The following SESTD1 variants were observed in gnomAD, a reference collection of about 807,000 sequenced individuals.
The protein encoded by SESTD1 is SEC14 domain and spectrin repeat-containing protein 1.
In SESTD1, 43 loss-of-function variants were observed where a neutral mutation model predicts 101.7. That is an observed-to-expected ratio of 0.42 (90% CI 0.33 to 0.55). The LOEUF (loss-of-function observed/expected upper bound fraction) is 0.55, where lower values mean the gene tolerates loss of function less well. Among genes scored for constraint, SESTD1 ranks in the 20% least tolerant of loss-of-function variants. The pLI is 0.07. For synonymous variants in SESTD1, 283 were observed against 286.8 expected (o/e 0.99, Z 0.13); for missense variants, 647 against 815.1 (o/e 0.79, Z 2.51).
chr2:179,117,045 G>T (rs1416457758), intron 14 of SESTD1, among the ~76,000 whole-genome samples: 1 of 152,106 alleles, frequency 6.6e-6, no homozygotes, highest in African/African-American at 2.4e-5. Flanking sequence ...CATAATAAAA[G>T]ATCATGTATT....
chr2:179,237,697 A>C (rs2047089567), intron 1 of SESTD1, among the ~76,000 whole-genome samples: 1 of 152,206 alleles, frequency 6.6e-6, no homozygotes, highest in African/African-American at 2.4e-5. Flanking sequence ...CCAAACTTGT[A>C]ATATGACACA....
At chr2:179,220,178 CT>C (rs1289133554) in intron 1 of SESTD1, among the ~76,000 whole-genome samples, 2 of 152,168 alleles carry the variant, frequency 1.3e-5, no homozygotes, top group African/African-American at 4.8e-5. Context: ...GCCACTACCC[CT>C]AGACCATCCT....
intron 1 of SESTD1, among the ~76,000 whole-genome samples, chr2:179,232,438 G>A (rs1277392211): frequency 6.6e-6 from 1 of 151,662 alleles, no homozygotes; most frequent in Non-Finnish European, 1.5e-5. Context: ...TCAAAATCCT[G>A]GAATTTTTTT....
chr2:179,132,349 G>A lies in SESTD1; in HGVS notation c.927C>T (p.Ser309=). 2 of 1,564,212 alleles carry A rather than the reference G, an allele frequency of 1.3e-6. No homozygotes were observed. Among genetic ancestry groups the A allele is most frequent in the Non-Finnish European group, 1.7e-6 (2 of 1,165,068 alleles). The change falls in exon 10 of 18, where the codon TCC becomes TCT. Residue 309 remains serine (S), a synonymous_variant. Coordinates refer to ENST00000428443, the MANE Select transcript of SESTD1 (RefSeq NM_178123.5). ...QWGIGDSIRA[S]QALQQKHEEI... ...CTTCGTGTTTCTGCTGTAGGGCCTG[G>A]GAGGCCCTAATGGAGTCTCCAATGC...
chr2:179,110,081 G>A (rs917367316), intron 17 of SESTD1, 53 bp from the exon 18 acceptor site: 11 of 1,578,706 alleles, frequency 7.0e-6, no homozygotes, highest in Non-Finnish European at 8.6e-6. Context: ...TCTATTAACT[G>A]CAGTGAATAC....
At chr2:179,196,854 G>A (rs1463208902) in intron 1 of SESTD1, among the ~76,000 whole-genome samples, 1 of 152,130 alleles carries the variant, frequency 6.6e-6, no homozygotes, top group Non-Finnish European at 1.5e-5. Context: ...CACAAAGATG[G>A]GGAAAAAACA....
intron 1 of SESTD1, among the ~76,000 whole-genome samples, chr2:179,230,222 C>T (rs757868601): frequency 1.4e-5 from 2 of 147,402 alleles, no homozygotes; most frequent in Non-Finnish European, 3.0e-5. Flanking sequence ...CAACCTCCAC[C>T]TCCTGGGCTC....
intron 1 of SESTD1, among the ~76,000 whole-genome samples, chr2:179,229,644 ATG>A (rs752544847): frequency 6.6e-6 from 1 of 151,596 alleles, no homozygotes; most frequent in Non-Finnish European, 1.5e-5. Flanking sequence ...AAAGAAAATA[ATG>A]TGTGTTTTTG....
At chr2:179,249,109 A>AG (rs1170002478) in intron 1 of SESTD1, among the ~76,000 whole-genome samples, 1 of 151,154 alleles carries the variant, frequency 6.6e-6, no homozygotes, top group Non-Finnish European at 1.5e-5. Flanking sequence ...AAAAAAAAAA[A>AG]AAAAGCATGG....
At position 179,150,603 on chromosome 2, in the gene SESTD1, C is replaced by T. The variant is rs1490210612; in HGVS notation, c.483+675G>A. ...TTGGAAGGCCGAGGCAGGTGGATCA[C>T]GAGGTCAAGAGTTTGAGATCAGCCT... On this transcript the variant is annotated intron_variant, in intron 6 of 17. Coordinates refer to ENST00000428443, the MANE Select transcript of SESTD1 (RefSeq NM_178123.5). 3.3e-5 allele frequency among the ~76,000 whole-genome samples: 5 copies of T among 151,828 alleles called. No homozygotes were observed. The East Asian group carries it at 5.8e-4, about 18-fold the overall frequency.
At chr2:179,135,800 A>G (rs921031279) in intron 9 of SESTD1, among the ~76,000 whole-genome samples, 1 of 152,156 alleles carries the variant, frequency 6.6e-6, no homozygotes. Context: ...CAAAAACAAA[A>G]AAGTCAAAGT....
At chr2:179,250,341 T>A (rs1574068100) in intron 1 of SESTD1, among the ~76,000 whole-genome samples, 1 of 152,132 alleles carries the variant, frequency 6.6e-6, no homozygotes, top group Non-Finnish European at 1.5e-5. Flanking sequence ...TACAAACTTA[T>A]CACAATGGCT....
At chr2:179,184,700 A>G (rs949533459) in intron 2 of SESTD1, among the ~76,000 whole-genome samples, 1 of 152,202 alleles carries the variant, frequency 6.6e-6, no homozygotes, top group East Asian at 1.9e-4. Context: ...AGAGGGCGTT[A>G]ATAGGAACAG....
intron 3 of SESTD1, among the ~76,000 whole-genome samples, chr2:179,182,268 A>T (rs1318791181): frequency 6.6e-6 from 1 of 152,150 alleles, no homozygotes. Context: ...AAACACACAC[A>T]CACACACACA....
intron 1 of SESTD1, among the ~76,000 whole-genome samples, chr2:179,206,112 T>C (rs1216720453): frequency 1.5e-5 from 2 of 135,086 alleles, no homozygotes; most frequent in Non-Finnish European, 3.2e-5. Flanking sequence ...CACAATAAAA[T>C]GTTAAATAAC....
chr2:179,250,913 T>C (rs1205546816), intron 1 of SESTD1, among the ~76,000 whole-genome samples: 1 of 152,202 alleles, frequency 6.6e-6, no homozygotes, highest in Non-Finnish European at 1.5e-5. Context: ...TCTTGGCAAC[T>C]GCACACTTAG....
chr2:179,263,197 G>A (rs1416991513), intron 1 of SESTD1, among the ~76,000 whole-genome samples: 1 of 152,078 alleles, frequency 6.6e-6, no homozygotes, highest in Non-Finnish European at 1.5e-5. Context: ...TAGTCATGGG[G>A]CAAAGTATTA....
intron 3 of SESTD1, among the ~76,000 whole-genome samples, chr2:179,181,661 A>G (rs756924633): frequency 4.6e-5 from 7 of 152,142 alleles, no homozygotes; most frequent in Non-Finnish European, 1.0e-4. Context: ...AAGTAACCAT[A>G]ACCTCAGAGT....
intron 5 of SESTD1, among the ~76,000 whole-genome samples, chr2:179,156,052 C>A (rs1217086261): frequency 6.6e-6 from 1 of 152,068 alleles, no homozygotes; most frequent in Non-Finnish European, 1.5e-5. Context: ...ATGCAGGTCG[C>A]TGTGAATGCC....
Sources: gnomAD v4.1 joint callset for allele counts (sites outside exome capture counted in the v4.1 genomes callset) on GRCh38, gnomAD v4.1.1 for gene constraint, MANE v1.5 for transcripts, NCBI Gene and HGNC (gene_info 2026-07-23, HGNC 2026-07-21) for gene names.